The following LMO4 variants were observed in gnomAD, a reference collection of about 807,000 sequenced individuals.
LMO4 encodes the protein LIM domain transcription factor LMO4.
Under a neutral mutation model 18.5 loss-of-function variants are expected in LMO4, and 3 were observed. The ratio of observed to expected loss-of-function variants is 0.16; its 90% confidence interval spans 0.07 to 0.42. The LOEUF is 0.42. Among genes scored for constraint, LMO4 ranks in the 10% least tolerant of loss-of-function variants. The probability of loss-of-function intolerance (pLI) is 0.99; values close to 1 mark genes in which losing one functional copy is unlikely to be tolerated. For missense variants in LMO4, 121 were observed against 219.9 expected (o/e 0.55, Z 2.84); for synonymous variants, 100 against 88.1 (o/e 1.14, Z -0.76).
intron 2 of LMO4, among the ~76,000 whole-genome samples, chr1:87,333,653 G>C (rs1212578848): frequency 6.6e-6 from 1 of 152,144 alleles, no homozygotes; most frequent in Non-Finnish European, 1.5e-5. Context: ...TCCTCAATCA[G>C]TCCAAGTAAA....
Position 87,340,052 on chromosome 1 carries a change from T to C in LMO4, c.339T>C (p.Phe113=), listed in dbSNP as rs1297543527. 1.2e-6 allele frequency: 2 copies of C among 1,612,076 alleles called. No individual in the cohort carries two copies. The highest frequency in any genetic ancestry group is 1.7e-6 in the Non-Finnish European group (2 of 1,179,496). Residue 113 remains phenylalanine (F), a synonymous_variant, in exon 4 of 5, where the codon TTT becomes TTC. Transcript: ENST00000370544. The stretch of plus-strand genomic sequence containing the variant: ...GGTTTGTTTTTCCCTTTCAGTGTTT[T>C]ACATGCTCTACCTGCCGGAATCGCC... ...AQGNVYHLKC[F]TCSTCRNRLV...
In LMO4 at chr1:87,332,056, C is replaced by T. The variant is rs1650171558; in HGVS notation, c.41C>T (p.Thr14Met). 1.9e-6 allele frequency: 3 copies of T among 1,613,286 alleles called. No individual in the cohort carries two copies. Among genetic ancestry groups the T allele is most frequent in the African/African-American group, 2.7e-5 (2 of 74,930 alleles). The part of the protein sequence containing the change: ...PGSSSQPPPV[T>M]AGSLSWKRCA... The stretch of plus-strand genomic sequence containing the variant: ...AGCAGCTCGCAGCCGCCCCCGGTGA[C>T]GGCCGGCTCCCTCTCCTGGAAGCGG... The change falls in exon 2 of 5, where the codon ACG becomes ATG. Residue 14 changes from threonine to methionine, a missense_variant. Physicochemically the swap from Thr to Met is moderately conservative, Grantham distance 81. Coordinates refer to ENST00000370544, the MANE Select transcript of LMO4 (RefSeq NM_006769.4).
intron 4 of LMO4, among the ~76,000 whole-genome samples, chr1:87,342,132 A>G (rs1197453093): frequency 1.3e-5 from 2 of 152,208 alleles, no homozygotes; most frequent in Non-Finnish European, 2.9e-5. Flanking sequence ...GCAAAGTACT[A>G]TACAAAAAAA....
intron 4 of LMO4, among the ~76,000 whole-genome samples, chr1:87,341,885 A>C (rs573621563): frequency 6.6e-6 from 1 of 152,378 alleles, no homozygotes; most frequent in South Asian, 2.1e-4. Context: ...ATTCTAATGA[A>C]GTGAATCTGC....
chr1:87,335,121 G>A (rs1650267185), intron 2 of LMO4, among the ~76,000 whole-genome samples: 1 of 152,212 alleles, frequency 6.6e-6, no homozygotes, highest in Non-Finnish European at 1.5e-5. Flanking sequence ...ACAAAAATAG[G>A]GGAACCTTGG....
rs774627282 is a variant in LMO4, at chr1:87,340,055, A to G, written c.342A>G (p.Thr114=). Residue 114 remains threonine (T), a synonymous_variant, in exon 4 of 5, where the codon ACA becomes ACG. Transcript: ENST00000370544. ...QGNVYHLKCF[T]CSTCRNRLVP... Reference sequence around the variant, plus strand: ...TTGTTTTTCCCTTTCAGTGTTTTACATGCTCTACCTGCCGGAATCGCCTGG... The same window carrying G: ...TTGTTTTTCCCTTTCAGTGTTTTACGTGCTCTACCTGCCGGAATCGCCTGG... 4.3e-6 allele frequency: 7 copies of G among 1,611,982 alleles called. No individual in the cohort carries two copies. The highest frequency in any genetic ancestry group is 1.3e-5 in the African/African-American group (1 of 74,838).
Position 87,339,609 on chromosome 1 carries a change from C to A in LMO4, c.310C>A (p.Gln104Lys), listed in dbSNP as rs775716679. ...TGCGAGTGAACTCGTCATGAGGGCGCAAGGCAATGTGTATCATCTTAAGGT... is the reference window on the plus strand; with the variant it reads ...TGCGAGTGAACTCGTCATGAGGGCGAAAGGCAATGTGTATCATCTTAAGGT... ...IPASELVMRA[Q>K]GNVYHLKCFT... Residue 104 changes from glutamine to lysine, a missense_variant, in exon 3 of 5, where the codon CAA (glutamine) becomes AAA (lysine). Transcript: ENST00000370544. The A allele has an allele frequency of 6.2e-7, 1 of 1,612,012 alleles. No individual in the cohort carries two copies.
intron 2 of LMO4, among the ~76,000 whole-genome samples, chr1:87,335,951 A>G (rs1650298818): frequency 6.6e-6 from 1 of 151,652 alleles, no homozygotes; most frequent in Admixed American, 6.6e-5. Flanking sequence ...ATTTGTCATA[A>G]CAGAATTAAT....
chr1:87,330,592 A>C (rs1232032291), intron 1 of LMO4, among the ~76,000 whole-genome samples: 2 of 152,158 alleles, frequency 1.3e-5, no homozygotes, highest in Non-Finnish European at 2.9e-5. Context: ...AATGTGTTTA[A>C]AATCGGCCTA....
At chr1:87,336,120 C>G (rs1411821203) in intron 2 of LMO4, among the ~76,000 whole-genome samples, 1 of 151,914 alleles carries the variant, frequency 6.6e-6, no homozygotes, top group Non-Finnish European at 1.5e-5. Flanking sequence ...TCCGAAGTAC[C>G]TTTAATGGAC....
chr1:87,339,660 TA>T lies in LMO4; in HGVS notation c.333+38del, dbSNP rs759744891. 2,607 of 1,229,566 alleles carry T rather than the reference TA, an allele frequency of 2.1e-3. 1 individual carries two copies. Among genetic ancestry groups the T allele is most frequent in the Non-Finnish European group, 2.5e-3 (2,153 of 868,364 alleles). The allele number at this position is 1,229,566 out of a possible 1,614,324, so 76.2% of individuals were successfully genotyped here. On this transcript the variant is annotated intron_variant, in intron 3 of 4. Transcript: ENST00000370544. Reference sequence around the variant, plus strand: ...AGTATTTGCATCTCTCTTTTTTTTTTAAAAAAAAAATCATACCTTTCCTACC... The same window carrying T: ...AGTATTTGCATCTCTCTTTTTTTTTTAAAAAAAAATCATACCTTTCCTACC...
chr1:87,338,377 GT>G (rs1650372707), intron 2 of LMO4, among the ~76,000 whole-genome samples: 1 of 152,168 alleles, frequency 6.6e-6, no homozygotes, highest in Non-Finnish European at 1.5e-5. Context: ...ATGTTAATTT[GT>G]AAGTCCTCTT....
intron 2 of LMO4, among the ~76,000 whole-genome samples, 159 bp downstream of exon 2, chr1:87,332,410 G>A (rs182321251): frequency 2.6e-4 from 40 of 152,370 alleles, no homozygotes; most frequent in African/African-American, 9.6e-4. Context: ...CAGGAAGCAT[G>A]TGTTAGTCTT....
At position 87,346,134 on chromosome 1, in the gene LMO4, C is replaced by T. The variant is rs985330250; in HGVS notation, c.*1338C>T. On this transcript the variant is annotated 3_prime_UTR_variant, in exon 5 of 5. Transcript: ENST00000370544. ...GCCATTTCCTGGTGACCCTTAGGCT[C>T]GTGTGGTTGGCTGTAAGGTGTTTAT... 6.6e-6 allele frequency: 1 copy of T among 152,120 alleles called. No homozygotes were observed. 9.4% of individuals were successfully genotyped at this position (152,120 alleles called of 1,614,324 possible). A position where few individuals can be genotyped will look rare whatever the true frequency, so the allele number is the denominator to read the frequency against.
In LMO4 at chr1:87,345,365, A is replaced by G. The variant is rs547656974; in HGVS notation, c.*569A>G. On this transcript the variant is annotated 3_prime_UTR_variant, in exon 5 of 5. Transcript: ENST00000370544. ...TATGCATGTAAGTGTTTTTGTCCTA[A>G]TGTTGCTACTCCCATGGCAAAGAAA... The G allele has an allele frequency of 1.3e-5, 2 of 152,070 alleles. No individual in the cohort carries two copies. The highest frequency in any genetic ancestry group is 4.2e-4 in the South Asian group (2 of 4,796). The allele number at this position is 152,070 out of a possible 1,614,324, so 9.4% of individuals were successfully genotyped here. A position where few individuals can be genotyped will look rare whatever the true frequency, so the allele number is the denominator to read the frequency against.
chr1:87,338,845 G>A (rs1650392324), intron 2 of LMO4, among the ~76,000 whole-genome samples: 1 of 152,206 alleles, frequency 6.6e-6, no homozygotes, highest in Admixed American at 6.5e-5. Flanking sequence ...TTTGTTGCTA[G>A]CAGAGATGAA....
intron 1 of LMO4, 49 bp downstream of exon 1, chr1:87,329,293 G>GA (rs1168663396): frequency 6.6e-6 from 1 of 152,424 alleles, no homozygotes; most frequent in Non-Finnish European, 1.5e-5. Flanking sequence ...GAGAGGGAGG[G>GA]AGGGGGTCGA....
In LMO4 at chr1:87,344,800, G is replaced by A. The variant is rs900858331; in HGVS notation, c.*4G>A. On this transcript the variant is annotated 3_prime_UTR_variant, in exon 5 of 5. Transcript: ENST00000370544. ...TTATTTCTTGCAGGTCTGCTAAAAG[G>A]TCAGAGTAATGCAGAATGCGTGCCT... The A allele has an allele frequency of 3.7e-6, 6 of 1,613,870 alleles. No homozygotes were observed. Among genetic ancestry groups the A allele is most frequent in the South Asian group, 1.1e-5 (1 of 91,074 alleles).
At position 87,348,386 on chromosome 1, in the gene LMO4, T is replaced by C. The variant is rs901439210; in HGVS notation, c.*3590T>C. 1.5e-5 allele frequency: 4 copies of C among 266,642 alleles called. No individual in the cohort carries two copies. In the Admixed American group the frequency reaches 1.8e-4, roughly 12 times the overall value. The allele number at this position is 266,642 out of a possible 1,614,324, so 16.5% of individuals were successfully genotyped here. On this transcript the variant is annotated 3_prime_UTR_variant, in exon 5 of 5. Transcript: ENST00000370544. ...TTACTTATAGCTTTGTTACTAAGACTCACCTATTGTTAGTGCAGCCAAGTC... is the reference window on the plus strand; with the variant it reads ...TTACTTATAGCTTTGTTACTAAGACCCACCTATTGTTAGTGCAGCCAAGTC...
Sources: allele counts gnomAD v4.1 joint callset (sites outside exome capture counted in the v4.1 genomes callset), GRCh38; gene constraint gnomAD v4.1.1; transcripts MANE v1.5; gene names NCBI Gene and HGNC (gene_info 2026-07-23, HGNC 2026-07-21).